TRIO: variants seen among roughly 807,000 people sequenced by gnomAD.
TRIO encodes the protein triple functional domain protein.
A neutral mutation model predicts 351.9 loss-of-function variants in TRIO; 58 were observed. The ratio of observed to expected loss-of-function variants is 0.16; its 90% CI spans 0.13 to 0.21. TRIO has a LOEUF of 0.21. Ranked by LOEUF, TRIO falls within the 10% of genes least tolerant of loss-of-function variation. The probability of loss-of-function intolerance (pLI) is 1.00; values close to 1 mark genes in which losing one functional copy is unlikely to be tolerated. For synonymous variants in TRIO, 1,758 were observed against 1,595.7 expected (o/e 1.10, Z -2.42); for missense variants, 3,201 against 4,027.8 (o/e 0.79, Z 5.56).
intron 1 of TRIO, among the ~76,000 whole-genome samples, chr5:14,145,276 T>C (rs556667389): frequency 2.0e-5 from 3 of 152,238 alleles, no homozygotes; most frequent in South Asian, 2.1e-4. Flanking sequence ...TGCTGGTAGA[T>C]ACCTGGTTTA....
At chr5:14,168,864 T>C (rs542624974) in intron 1 of TRIO, among the ~76,000 whole-genome samples, 2 of 152,366 alleles carry the variant, frequency 1.3e-5, no homozygotes, top group African/African-American at 2.4e-5. Context: ...TCTTTGGAAG[T>C]GTCACTGAGA....
rs1748678233 is a variant in TRIO, at chr5:14,405,979, G to C, written c.4848G>C (p.Gln1616His). The C allele has an allele frequency of 5.0e-6, 8 of 1,613,462 alleles. No individual in the cohort carries two copies. In the South Asian group the frequency reaches 8.8e-5, roughly 18 times the overall value. ...HIPKTAPATRQKGRRDGEDLD... is the reference protein window; with the variant it reads ...HIPKTAPATRHKGRRDGEDLD... ...CTAAGACCGCTCCCGCCACAAGACA[G>C]AAGGGAAGGAGGTGCGTGTCTGGGC... Residue 1616 changes from glutamine (Q) to histidine (H), a missense_variant, in exon 32 of 57, where the codon CAG becomes CAC. Physicochemically the swap from Gln to His is conservative, Grantham distance 24. Coordinates refer to ENST00000344204, the MANE Select transcript of TRIO (RefSeq NM_007118.4).
chr5:14,474,742 A>T (rs1754926338), intron 40 of TRIO, among the ~76,000 whole-genome samples: 1 of 152,190 alleles, frequency 6.6e-6, no homozygotes, highest in Admixed American at 6.5e-5. Flanking sequence ...AGCTCACTGC[A>T]GCCTTGAACT....
At chr5:14,474,130 C>G (rs371545598) in intron 40 of TRIO, 33 bp downstream of exon 40, 2 of 1,589,250 alleles carry the variant, frequency 1.3e-6, no homozygotes, top group Admixed American at 1.7e-5. Flanking sequence ...CGATGGTGTG[C>G]AAAGCAGCCA....
intron 45 of TRIO, chr5:14,481,869 C>T (rs1456308612): frequency 4.4e-5 from 20 of 456,932 alleles, no homozygotes; most frequent in Admixed American, 1.2e-4. Context: ...CAAGCAGGAC[C>T]GGGCTTTGTC....
chr5:14,294,025 AT>A lies in TRIO; in HGVS notation c.1176+892del, dbSNP rs1561302523. On this transcript the variant is annotated intron_variant, in intron 6 of 56. Transcript: ENST00000344204. ...ACCCCATCTCTAAAAAAAAAAAATA[AT>A]AATTAAAAAATTAGCCAAGTGTGGT... Among the ~76,000 whole-genome samples, 220 of 150,428 alleles carry A rather than the reference AT, an allele frequency of 1.5e-3. 1 individual carries two copies. The highest frequency in any genetic ancestry group is 5.3e-3 in the African/African-American group (212 of 39,994).
At position 14,474,140 on chromosome 5, in the gene TRIO, A is replaced by G. The variant is rs749850340; in HGVS notation, c.6083+43A>G. 5 of 1,580,254 alleles carry G rather than the reference A, an allele frequency of 3.2e-6. No homozygotes were observed. In the South Asian group the frequency reaches 3.4e-5, roughly 11 times the overall value. On this transcript the variant is annotated intron_variant, in intron 40 of 56. Transcript: ENST00000344204. Reference sequence around the variant, plus strand: ...GTGCCCGATGGTGTGCAAAGCAGCCACACTTGCTAAACCAAGGCAGGCCAG... The same window carrying G: ...GTGCCCGATGGTGTGCAAAGCAGCCGCACTTGCTAAACCAAGGCAGGCCAG...
chr5:14,399,262 T>G lies in TRIO; in HGVS notation c.4614+192T>G, dbSNP rs878887506. 3 of 603,358 alleles carry G rather than the reference T, an allele frequency of 5.0e-6. No individual in the cohort carries two copies. In the Admixed American group the frequency reaches 9.1e-5, roughly 18 times the overall value. The allele number at this position is 603,358 out of a possible 1,614,324, so 37.4% of individuals were successfully genotyped here. On this transcript the variant is annotated intron_variant, in intron 30 of 56. Transcript: ENST00000344204. ...CCCTCAAGTCCACTAGAGGGTGCTCTGGAGTTTATAGACTTAGGAAACTTG... is the reference window on the plus strand; with the variant it reads ...CCCTCAAGTCCACTAGAGGGTGCTCGGGAGTTTATAGACTTAGGAAACTTG...
At chr5:14,254,912 G>A (rs1305106198) in intron 1 of TRIO, among the ~76,000 whole-genome samples, 1 of 152,186 alleles carries the variant, frequency 6.6e-6, no homozygotes, top group African/African-American at 2.4e-5. Flanking sequence ...TTAAATGGGA[G>A]GAACTATTAG....
rs1194965609 is a variant in TRIO at position 14,469,847 on chromosome 5, C to G, written c.5764-1471C>G. ...CTGATGAAGTCCGTGACTTTACCTC[C>G]CTGCCGTCTGCAGCATCAGGGGCAT... On this transcript the variant is annotated intron_variant, in intron 37 of 56. Transcript: ENST00000344204. Among the ~76,000 whole-genome samples, 3 of 152,354 alleles carry G rather than the reference C, an allele frequency of 2.0e-5. No homozygotes were observed. In the East Asian group the frequency reaches 5.8e-4, roughly 29 times the overall value.
chr5:14,507,213 G>A lies in TRIO; in HGVS notation c.8704G>A (p.Ala2902Thr). 1 of 1,611,982 alleles carries A rather than the reference G, an allele frequency of 6.2e-7. No individual in the cohort carries two copies. The highest frequency in any genetic ancestry group is 8.5e-7 in the Non-Finnish European group (1 of 1,179,878). Residue 2902 changes from alanine (A) to threonine (T), a missense_variant, in exon 56 of 57, where the codon GCT (alanine) becomes ACT (threonine). Coordinates refer to ENST00000344204, the MANE Select transcript of TRIO (RefSeq NM_007118.4). ...GGCGCACCTGGGGGAGGTTCTGGAA[G>A]CTGTCCGGTACCTGCACAACTGCAG... ...IRAHLGEVLE[A>T]VRYLHNCRIA... is the part of the protein sequence containing the mutation.
chr5:14,436,495 A>G (rs1751598099), intron 34 of TRIO, among the ~76,000 whole-genome samples: 1 of 152,170 alleles, frequency 6.6e-6, no homozygotes, highest in Admixed American at 6.5e-5. Flanking sequence ...AAGCAATCAT[A>G]CTTTCCAAAC....
intron 8 of TRIO, among the ~76,000 whole-genome samples, chr5:14,315,433 A>G (rs1186380453): frequency 6.6e-6 from 1 of 151,914 alleles, no homozygotes; most frequent in Non-Finnish European, 1.5e-5. Flanking sequence ...TTGTATTTTT[A>G]GTAGAGACGG....
At chr5:14,319,338 A>G (rs938008754) in intron 9 of TRIO, among the ~76,000 whole-genome samples, 1 of 152,218 alleles carries the variant, frequency 6.6e-6, no homozygotes, top group African/African-American at 2.4e-5. Context: ...CTTGTGAGGT[A>G]AAGAGTGAGG....
chr5:14,159,458 A>AT (rs1197195124), intron 1 of TRIO, among the ~76,000 whole-genome samples: 2 of 152,322 alleles, frequency 1.3e-5, no homozygotes, highest in African/African-American at 4.8e-5. Context: ...TTTTTTAAAC[A>AT]TTCTGGGAAA....
At position 14,421,227 on chromosome 5, in the gene TRIO, ATTTATTTTATTTTAT is replaced by A. The variant is rs77834736; in HGVS notation, c.5203+1250_5203+1264del. Among the ~76,000 whole-genome samples, 176 of 118,078 alleles carry A rather than the reference ATTTATTTTATTTTAT, an allele frequency of 1.5e-3. 2 individuals are homozygous for A. The highest frequency in any genetic ancestry group is 8.8e-3 in the Middle Eastern group (2 of 226). 77.5% of individuals were successfully genotyped at this position (118,078 alleles called of 152,430 possible). ...TTTTCCCTTATTTAATTATTTATTT[ATTTATTTTATTTTAT>A]TTTATTTTATTTTATTTTATTTTAT... On this transcript the variant is annotated intron_variant, in intron 34 of 56. Transcript: ENST00000344204.
At chr5:14,190,380 AAAATC>A (rs1354390417) in intron 1 of TRIO, among the ~76,000 whole-genome samples, 5 of 152,232 alleles carry the variant, frequency 3.3e-5, no homozygotes, top group African/African-American at 4.8e-5. Context: ...AAAATCCAGA[AAAATC>A]AACCACATAT....
At chr5:14,371,498 C>T (rs1437218837) in intron 18 of TRIO, among the ~76,000 whole-genome samples, 7 of 152,126 alleles carry the variant, frequency 4.6e-5, no homozygotes, top group Admixed American at 4.6e-4. Flanking sequence ...CTAGATATAT[C>T]ATTTTATTTG....
chr5:14,452,634 C>T (rs1175698060), intron 34 of TRIO, among the ~76,000 whole-genome samples: 2 of 151,948 alleles, frequency 1.3e-5, no homozygotes, highest in East Asian at 3.9e-4. Flanking sequence ...GCAAAAGCCA[C>T]TTCTCCTGGT....
Sources: allele counts gnomAD v4.1 joint callset (sites outside exome capture counted in the v4.1 genomes callset), GRCh38; gene constraint gnomAD v4.1.1; transcripts MANE v1.5; gene names NCBI Gene and HGNC (gene_info 2026-07-23, HGNC 2026-07-21).